SNX24: variants seen among roughly 807,000 people sequenced by gnomAD.
SNX24 encodes sorting nexin-24.
In SNX24, 22 loss-of-function variants were observed where a neutral mutation model predicts 28.7. The ratio of observed to expected loss-of-function variants is 0.77; its 90% confidence interval spans 0.55 to 1.10. The LOEUF (loss-of-function observed/expected upper bound fraction) is 1.10. SNX24 is among the 50% of genes least tolerant of loss of function. The pLI is 0.00. For missense variants in SNX24, 221 were observed against 201.1 expected (o/e 1.10, Z -0.60); for synonymous variants, 69 against 71.5 (o/e 0.96, Z 0.18).
chr5:122,922,643 A>G (rs1430042255), intron 1 of SNX24, among the ~76,000 whole-genome samples: 1 of 152,102 alleles, frequency 6.6e-6, no homozygotes, highest in African/African-American at 2.4e-5. Context: ...CATATTCTGC[A>G]GTTGCCATCC....
chr5:122,850,543 C>T (rs1423295711), intron 1 of SNX24, among the ~76,000 whole-genome samples: 5 of 152,024 alleles, frequency 3.3e-5, no homozygotes, highest in Non-Finnish European at 7.4e-5. Flanking sequence ...AAGACTTTAG[C>T]GTTGAACATG....
chr5:122,926,443 G>A (rs992250924), intron 1 of SNX24, among the ~76,000 whole-genome samples: 3 of 152,142 alleles, frequency 2.0e-5, no homozygotes, highest in African/African-American at 7.2e-5. Flanking sequence ...AGGCCTGGGT[G>A]AAGACACAGA....
intron 1 of SNX24, among the ~76,000 whole-genome samples, chr5:122,891,368 G>C (rs1356295163): frequency 6.6e-6 from 1 of 152,110 alleles, no homozygotes; most frequent in Non-Finnish European, 1.5e-5. Context: ...GAGACTATTT[G>C]TGGGAAAAAT....
intron 3 of SNX24, among the ~76,000 whole-genome samples, chr5:122,970,251 C>T (rs1423649214): frequency 6.7e-6 from 1 of 150,294 alleles, no homozygotes; most frequent in Admixed American, 6.7e-5. Context: ...TGAAGATATT[C>T]TTCCTAGACT....
chr5:123,011,304 G>A (rs1209695808), downstream of SNX24, among the ~76,000 whole-genome samples: 2 of 152,048 alleles, frequency 1.3e-5, no homozygotes, highest in African/African-American at 4.8e-5. Context: ...GACTGTCTTC[G>A]ATGCTACCTT....
At chr5:122,929,918 T>C (rs1758875538) in intron 1 of SNX24, among the ~76,000 whole-genome samples, 1 of 152,192 alleles carries the variant, frequency 6.6e-6, no homozygotes, top group Admixed American at 6.5e-5. Context: ...TTCCTGAATG[T>C]GTATATAATA....
At chr5:122,983,027 T>C (rs1343257889) in intron 3 of SNX24, 1 of 152,156 alleles carries the variant, frequency 6.6e-6, no homozygotes, top group Non-Finnish European at 1.5e-5. Flanking sequence ...GAATTTTGAA[T>C]ATCTGCTTCT....
chr5:122,964,139 A>G (rs1046250834), intron 3 of SNX24, among the ~76,000 whole-genome samples: 2 of 145,266 alleles, frequency 1.4e-5, no homozygotes, highest in Non-Finnish European at 3.0e-5. Flanking sequence ...GCTACTTGGG[A>G]GGCTGAGGCA....
At chr5:122,904,523 TA>T (rs969389803) in intron 1 of SNX24, among the ~76,000 whole-genome samples, 18 of 152,126 alleles carry the variant, frequency 1.2e-4, no homozygotes, top group African/African-American at 4.1e-4. Context: ...ATCTGGTCTT[TA>T]AAAAAAATTA....
At chr5:122,983,193 G>A (rs1581831208) in intron 3 of SNX24, 2 of 107,460 alleles carry the variant, frequency 1.9e-5, no homozygotes, top group South Asian at 5.0e-4. Context: ...AGATTTTTCA[G>A]CCTTTTTTTT....
chr5:122,989,660 T>A (rs1487963175), intron 3 of SNX24, among the ~76,000 whole-genome samples: 1 of 152,226 alleles, frequency 6.6e-6, no homozygotes, highest in Non-Finnish European at 1.5e-5. Flanking sequence ...AAATTGGTAT[T>A]CCATTAGTAA....
chr5:122,857,975 G>T (rs1371299974), intron 1 of SNX24, among the ~76,000 whole-genome samples: 1 of 152,132 alleles, frequency 6.6e-6, no homozygotes, highest in Non-Finnish European at 1.5e-5. Context: ...TAGAGACGGG[G>T]TTTCACCATG....
At chr5:122,932,044 C>A (rs1581764205) in intron 1 of SNX24, among the ~76,000 whole-genome samples, 1 of 151,938 alleles carries the variant, frequency 6.6e-6, no homozygotes, top group Admixed American at 6.6e-5. Flanking sequence ...AGAGATGTTA[C>A]CACAAAAGAA....
intron 3 of SNX24, among the ~76,000 whole-genome samples, chr5:122,950,258 T>G (rs1028515895): frequency 6.6e-6 from 1 of 152,220 alleles, no homozygotes; most frequent in Non-Finnish European, 1.5e-5. Flanking sequence ...TGGAGGATGT[T>G]TTAACTTGAA....
intron 3 of SNX24, among the ~76,000 whole-genome samples, chr5:122,978,104 T>C (rs1338275566): frequency 6.6e-6 from 1 of 152,216 alleles, no homozygotes; most frequent in Admixed American, 6.5e-5. Flanking sequence ...TTACTCATTT[T>C]CCCCATGTAT....
intron 3 of SNX24, among the ~76,000 whole-genome samples, chr5:122,997,303 C>T (rs1762083134): frequency 6.6e-6 from 1 of 152,136 alleles, no homozygotes; most frequent in African/African-American, 2.4e-5. Context: ...ACATATTGGT[C>T]ATTGTTTTAT....
intron 1 of SNX24, among the ~76,000 whole-genome samples, chr5:122,929,445 T>G (rs1020823862): frequency 6.6e-6 from 1 of 152,130 alleles, no homozygotes; most frequent in Non-Finnish European, 1.5e-5. Context: ...ATAGCCTTTT[T>G]TTTTTAGAGA....
chr5:122,911,794 A>T, intron 1 of SNX24, among the ~76,000 whole-genome samples: 1 of 80,922 alleles, frequency 1.2e-5, no homozygotes, highest in East Asian at 5.1e-4. Flanking sequence ...AAGCGGCGTT[A>T]TTTCTGAGGG....
At chr5:122,906,006 G>A (rs1007605353) in intron 1 of SNX24, among the ~76,000 whole-genome samples, 2 of 152,198 alleles carry the variant, frequency 1.3e-5, no homozygotes, top group African/African-American at 2.4e-5. Flanking sequence ...GGTGGAGGAT[G>A]TGTATATCAA....
Sources: allele counts gnomAD v4.1 joint callset (sites outside exome capture counted in the v4.1 genomes callset), GRCh38; gene constraint gnomAD v4.1.1; transcripts MANE v1.5; gene names NCBI Gene and HGNC (gene_info 2026-07-23, HGNC 2026-07-21).